PDGFRA: variants seen among roughly 807,000 people sequenced by gnomAD.
PDGFRA encodes the protein platelet-derived growth factor receptor alpha.
A neutral mutation model predicts 121.5 loss-of-function variants in PDGFRA; 25 were observed. The ratio of observed to expected loss-of-function variants is 0.21; its 90% CI spans 0.15 to 0.29. The LOEUF (loss-of-function observed/expected upper bound fraction) is 0.29, where lower values mean the gene tolerates loss of function less well. PDGFRA is among the 10% of genes least tolerant of loss of function. The probability of loss-of-function intolerance (pLI) is 1.00; values close to 1 mark genes in which losing one functional copy is unlikely to be tolerated. For synonymous variants in PDGFRA, 463 were observed against 494.8 expected, an observed-to-expected ratio of 0.94 and a Z score of 0.85; for missense variants, 1,008 against 1,345.1, an observed-to-expected ratio of 0.75 and a Z score of 3.92.
chr4:54,255,753 C>A (rs1722329176), intron 1 of PDGFRA, among the ~76,000 whole-genome samples: 1 of 152,096 alleles, frequency 6.6e-6, no homozygotes, highest in East Asian at 1.9e-4. Context: ...GATCTGCCCG[C>A]CTCAGCCTCC....
intron 2 of PDGFRA, among the ~76,000 whole-genome samples, chr4:54,260,313 A>T (rs1722616105): frequency 6.6e-6 from 1 of 152,044 alleles, no homozygotes; most frequent in Non-Finnish European, 1.5e-5. Context: ...GCTATAAGAA[A>T]TGGAAGATGT....
intron 12 of PDGFRA, among the ~76,000 whole-genome samples, chr4:54,276,258 C>A (rs575274376): frequency 6.6e-6 from 1 of 152,092 alleles, no homozygotes; most frequent in African/African-American, 2.4e-5. Context: ...AAACCCCATT[C>A]CCCCAGTTTC....
intron 12 of PDGFRA, 118 bp from the exon 13 acceptor site, chr4:54,277,270 T>A: frequency 1.3e-6 from 1 of 769,006 alleles, no homozygotes; most frequent in Non-Finnish European, 2.4e-6. Context: ...GTCATTATGA[T>A]TACTCCAAAC....
chr4:54,266,849 G>C (rs1042676314), intron 5 of PDGFRA, among the ~76,000 whole-genome samples: 1 of 152,052 alleles, frequency 6.6e-6, no homozygotes, highest in African/African-American at 2.4e-5. Context: ...AGGTGTGGTG[G>C]CATGAGCCTG....
intron 16 of PDGFRA, among the ~76,000 whole-genome samples, chr4:54,284,553 TGAGAGAGAGACA>T (rs778793622): frequency 0.026 from 1,842 of 71,982 alleles, 15 homozygotes; most frequent in Middle Eastern, 0.033. Context: ...CAGGAGCAAG[TGAGAGAGAGACA>T]GAGAGAGAGA....
intron 1 of PDGFRA, among the ~76,000 whole-genome samples, chr4:54,244,432 A>G (rs1036645235): frequency 6.6e-6 from 1 of 152,318 alleles, no homozygotes; most frequent in East Asian, 1.9e-4. Context: ...TTCTGCCGCC[A>G]CTGCTGCTGG....
Position 54,277,605 on chromosome 4 carries a change from C to T in PDGFRA, c.1891+113C>T, listed in dbSNP as rs1036325011. 3.9e-5 allele frequency: 30 copies of T among 775,588 alleles called. No individual in the cohort carries two copies. The African/African-American group carries it at 4.8e-4, about 12-fold the overall frequency. The allele number at this position is 775,588 out of a possible 1,614,324, so 48.0% of individuals were successfully genotyped here. A position where few individuals can be genotyped will look rare whatever the true frequency, so the allele number is the denominator to read the frequency against. Reference sequence around the variant, plus strand: ...GTAAATAAGACATTTAGGACTAGGTCCTGATTATTTTGACTCCAGGTTTTA... The same window carrying T: ...GTAAATAAGACATTTAGGACTAGGTTCTGATTATTTTGACTCCAGGTTTTA... On this transcript the variant is annotated intron_variant, in intron 13 of 22. Transcript: ENST00000257290.
intron 1 of PDGFRA, among the ~76,000 whole-genome samples, chr4:54,254,920 A>G (rs1177677587): frequency 6.6e-6 from 1 of 152,060 alleles, no homozygotes; most frequent in Non-Finnish European, 1.5e-5. Context: ...GAGAGGGAAA[A>G]GGGAAGGGAG....
intron 5 of PDGFRA, among the ~76,000 whole-genome samples, chr4:54,266,395 T>C (rs188613012): frequency 1.4e-5 from 2 of 147,950 alleles, no homozygotes; most frequent in Admixed American, 7.1e-5. Flanking sequence ...ATTTCTTTCT[T>C]TTTTTTTTCT....
rs1284091709 is a variant in PDGFRA at position 54,289,074 on chromosome 4, G to A, written c.2840G>A (p.Ser947Asn). The A allele has an allele frequency of 6.2e-7, 1 of 1,609,548 alleles. No homozygotes were observed. Reference protein sequence around the residue: ...PEKRPSFYHLSEIVENLLPGQ... With the variant: ...PEKRPSFYHLNEIVENLLPGQ... ...AAGAGACCCTCCTTTTACCACCTGA[G>A]TGAGATTGTGGAGAATCTGCTGCCT... Residue 947 changes from serine (S) to asparagine (N), a missense_variant, in exon 21 of 23, where the codon AGT becomes AAT. By Grantham distance (46) the Ser-to-Asn change is conservative (BLOSUM62 1). This residue lies in a region of PDGFRA where 204 missense variants were observed against 243.0 expected (regional missense o/e 0.84). Transcript: ENST00000257290.
intron 1 of PDGFRA, among the ~76,000 whole-genome samples, chr4:54,240,538 C>G (rs1273987367): frequency 6.6e-6 from 1 of 152,198 alleles, no homozygotes; most frequent in Non-Finnish European, 1.5e-5. Flanking sequence ...TTTGCCTTTT[C>G]TTGTTTTCTA....
In PDGFRA at chr4:54,273,688, C is replaced by T. The variant is rs142980928; in HGVS notation, c.1516C>T (p.Leu506Phe). ...CGCCGTGCGATGCCTGGCTAAGAAT[C>T]TCCTTGGAGCTGAGAACCGAGAGCT... ...TIAVRCLAKN[L>F]LGAENRELKL... The change falls in exon 10 of 23, where the codon CTC (leucine) becomes TTC (phenylalanine). Residue 506 changes from leucine (L) to phenylalanine (F), a missense_variant. By Grantham distance (22) the Leu-to-Phe change is conservative. Transcript: ENST00000257290. 9.3e-6 allele frequency: 15 copies of T among 1,613,898 alleles called. No individual in the cohort carries two copies. Among genetic ancestry groups the T allele is most frequent in the South Asian group, 3.3e-5 (3 of 91,078 alleles).
intron 16 of PDGFRA, among the ~76,000 whole-genome samples, chr4:54,284,875 CTATCTTT>C (rs1298666649): frequency 9.6e-6 from 1 of 104,116 alleles, no homozygotes; most frequent in Non-Finnish European, 1.9e-5. Flanking sequence ...TTCATTCTTT[CTATCTTT>C]TTTTTTTTTT....
Position 54,229,315 on chromosome 4 carries a change from G to A in PDGFRA, c.-113G>A, listed in dbSNP as rs1430751432. On this transcript the variant is annotated 5_prime_UTR_variant, in exon 1 of 23. Transcript: ENST00000257290. ...CCCATTACTGTTGGAGCTACAGGGA[G>A]AGAAACAGAGGAGGAGACTGCAAGA... 2.6e-6 allele frequency: 1 copy of A among 387,326 alleles called. No homozygotes were observed. The highest frequency in any genetic ancestry group is 1.3e-4 in the South Asian group (1 of 7,464). The allele number at this position is 387,326 out of a possible 1,614,324, so 24.0% of individuals were successfully genotyped here.
Position 54,252,358 on chromosome 4 carries a change from G to A in PDGFRA, c.-12-6399G>A, listed in dbSNP as rs1560460172. On this transcript the variant is annotated intron_variant, in intron 1 of 22. Transcript: ENST00000257290. ...CTCTTTGTGTAGGAATGCAGGAAAA[G>A]CTTACTTAACATTTTCTTAAATTGA... 4.6e-5 allele frequency among the ~76,000 whole-genome samples: 7 copies of A among 152,184 alleles called. No homozygotes were observed. In the South Asian group the frequency reaches 1.4e-3, roughly 31 times the overall value.
At position 54,253,665 on chromosome 4, in the gene PDGFRA, G is replaced by A. The variant is rs1162007159; in HGVS notation, c.-12-5092G>A. Among the ~76,000 whole-genome samples the A allele has an allele frequency of 3.9e-5, 6 of 152,200 alleles. No individual in the cohort carries two copies. In the South Asian group the frequency reaches 1.0e-3, roughly 26 times the overall value. ...AATCCATTGTTCTTTTCTGTAAAGGGGTTGTTATCCCTGATTCTTTTTTTC... is the reference window on the plus strand; with the variant it reads ...AATCCATTGTTCTTTTCTGTAAAGGAGTTGTTATCCCTGATTCTTTTTTTC... On this transcript the variant is annotated intron_variant, in intron 1 of 22. Coordinates refer to ENST00000257290, the MANE Select transcript of PDGFRA (RefSeq NM_006206.6).
chr4:54,258,803 G>A lies in PDGFRA; in HGVS notation c.35G>A (p.Gly12Asp), dbSNP rs1440200916. 1 of 1,613,732 alleles carries A rather than the reference G, an allele frequency of 6.2e-7. No individual in the cohort carries two copies. The highest frequency in any genetic ancestry group is 8.5e-7 in the Non-Finnish European group (1 of 1,179,694). The stretch of plus-strand genomic sequence containing the variant: ...TCCCATCCGGCGTTCCTGGTCTTAG[G>A]CTGTCTTCTCACAGGTACGGAGCCC... ...GTSHPAFLVLGCLLTGLSLIL... is the reference protein window; with the variant it reads ...GTSHPAFLVLDCLLTGLSLIL... The change falls in exon 2 of 23, where the codon GGC becomes GAC. Residue 12 changes from glycine (G) to aspartate (D), a missense_variant. Transcript: ENST00000257290.
chr4:54,266,711 T>A (rs4864865), intron 5 of PDGFRA, among the ~76,000 whole-genome samples: 27,141 of 152,210 alleles, frequency 0.18, 2,924 homozygotes, highest in Admixed American at 0.28. Flanking sequence ...CTGGGTGTGG[T>A]GGCTCATGCC....
chr4:54,235,501 C>A (rs1720960084), intron 1 of PDGFRA, among the ~76,000 whole-genome samples: 1 of 152,230 alleles, frequency 6.6e-6, no homozygotes, highest in Non-Finnish European at 1.5e-5. Flanking sequence ...GGAGATGGCA[C>A]CCTGTTAAAG....
Sources: gnomAD v4.1 joint callset for allele counts (sites outside exome capture counted in the v4.1 genomes callset) on GRCh38, gnomAD v4.1.1 for gene constraint, gnomAD v4.1.1 regional missense constraint, MANE v1.5 for transcripts, NCBI Gene and HGNC (gene_info 2026-07-23, HGNC 2026-07-21) for gene names.